Variants in GLI2 observed in about 807,000 individuals in gnomAD.
GLI2 encodes the protein GLI family zinc finger 2, also known as transcription activator GLI2.
In GLI2, 22 loss-of-function variants were observed where a neutral mutation model predicts 78.9. The observed-to-expected ratio is 0.28, with a 90% CI of 0.20 to 0.40. The LOEUF is 0.40. GLI2 is among the 10% of genes least tolerant of loss of function. The pLI, the probability that GLI2 is intolerant of heterozygous loss-of-function variation, is 1.00. For missense variants in GLI2, 2,097 were observed against 2,213.2 expected, an observed-to-expected ratio of 0.95 and a Z score of 1.05; for synonymous variants, 974 against 963.7, an observed-to-expected ratio of 1.01 and a Z score of -0.20.
intron 3 of GLI2, among the ~76,000 whole-genome samples, chr2:120,933,910 A>G (rs1292737965): frequency 6.6e-6 from 1 of 151,664 alleles, no homozygotes; most frequent in Non-Finnish European, 1.5e-5. Context: ...GAGAAGACCA[A>G]TTTCAGCTGC....
chr2:120,926,005 G>A (rs1014119996), intron 2 of GLI2, among the ~76,000 whole-genome samples: 35 of 147,432 alleles, frequency 2.4e-4, no homozygotes, highest in East Asian at 4.0e-4. Context: ...CCCAGGAGGC[G>A]GAGCTTGCAG....
chr2:120,777,260 TTA>T (rs754536327), intron 1 of GLI2, among the ~76,000 whole-genome samples: 13 of 151,728 alleles, frequency 8.6e-5, no homozygotes, highest in Non-Finnish European at 1.6e-4. Flanking sequence ...TCGAGTGTGT[TTA>T]TGTGTGAGTG....
At chr2:120,766,993 A>G (rs1683383382) in intron 1 of GLI2, among the ~76,000 whole-genome samples, 2 of 152,316 alleles carry the variant, frequency 1.3e-5, no homozygotes, top group Admixed American at 1.3e-4. Flanking sequence ...GAATGTGGAC[A>G]CCTGGCTTTT....
chr2:120,921,135 G>A (rs1226950928), intron 2 of GLI2, among the ~76,000 whole-genome samples: 3 of 152,170 alleles, frequency 2.0e-5, no homozygotes, highest in Non-Finnish European at 4.4e-5. Flanking sequence ...TTCCATCGGG[G>A]GCTGTGGGAC....
At chr2:120,862,398 G>A (rs1286695870) in intron 2 of GLI2, among the ~76,000 whole-genome samples, 2 of 152,338 alleles carry the variant, frequency 1.3e-5, no homozygotes, top group Middle Eastern at 3.4e-3. Flanking sequence ...GACACAGCAG[G>A]CCTTGCCGTC....
Position 120,970,438 on chromosome 2 carries a change from G to T in GLI2, c.891G>T (p.Gln297His). Residue 297 changes from glutamine (Q) to histidine (H), a missense_variant, in exon 7 of 14, where the codon CAG becomes CAT. Gln to His is a conservative substitution (Grantham distance 24). Coordinates refer to ENST00000361492, the MANE Select transcript of GLI2 (RefSeq NM_001374353.1). ...ACCCCATCAACCCCGTGGCCTACCA[G>T]CAGATTCTGAGCCAGCAGAGGGGTC... ...FPHPINPVAY[Q>H]QILSQQRGLG... 6.2e-7 allele frequency: 1 copy of T among 1,613,344 alleles called. No individual in the cohort carries two copies. Among genetic ancestry groups the T allele is most frequent in the South Asian group, 1.1e-5 (1 of 91,048 alleles).
intron 2 of GLI2, among the ~76,000 whole-genome samples, chr2:120,922,680 A>G (rs955727961): frequency 2.0e-5 from 3 of 152,178 alleles, no homozygotes; most frequent in Admixed American, 2.0e-4. Context: ...CCTAGTGGGC[A>G]CATTGCCACT....
chr2:120,852,921 C>T (rs148545832), intron 2 of GLI2, among the ~76,000 whole-genome samples: 13 of 152,250 alleles, frequency 8.5e-5, no homozygotes, highest in East Asian at 5.8e-4. Flanking sequence ...GGGAGACAGA[C>T]GCAGGAAGGG....
chr2:120,987,398 C>T (rs1244039457), intron 13 of GLI2, among the ~76,000 whole-genome samples: 1 of 152,202 alleles, frequency 6.6e-6, no homozygotes, highest in Non-Finnish European at 1.5e-5. Context: ...CCAAGGTCAC[C>T]CCTTCCCAGC....
chr2:120,903,852 T>C (rs1678384470), intron 2 of GLI2, among the ~76,000 whole-genome samples: 1 of 152,054 alleles, frequency 6.6e-6, no homozygotes, highest in African/African-American at 2.4e-5. Context: ...TCCCCAAGGA[T>C]CCAGAGGGAT....
chr2:120,975,245 T>G, intron 9 of GLI2, 136 bp downstream of exon 9: 1 of 755,052 alleles, frequency 1.3e-6, no homozygotes, highest in Non-Finnish European at 2.2e-6. Context: ...CCACATCCCC[T>G]GCAAGTGGGA....
At position 120,912,808 on chromosome 2, in the gene GLI2, G is replaced by A. The variant is rs573246249; in HGVS notation, c.149-14553G>A. Among the ~76,000 whole-genome samples the A allele has an allele frequency of 4.6e-5, 7 of 152,242 alleles. No individual in the cohort carries two copies. In the East Asian group the frequency reaches 9.7e-4, roughly 21 times the overall value. On this transcript the variant is annotated intron_variant, in intron 2 of 13. Coordinates refer to ENST00000361492, the MANE Select transcript of GLI2 (RefSeq NM_001374353.1). Reference sequence around the variant, plus strand: ...GGAACACTCCAAGCTTATCAAGAACGCAGCGGGCAGCAATCCAGGGCAGAA... The same window carrying A: ...GGAACACTCCAAGCTTATCAAGAACACAGCGGGCAGCAATCCAGGGCAGAA...
At chr2:120,972,647 G>C (rs1205413645) in intron 8 of GLI2, 1 of 518,934 alleles carries the variant, frequency 1.9e-6, no homozygotes, top group Non-Finnish European at 3.8e-6. Context: ...TGCCTGACTG[G>C]GTTCCATGCC....
Position 120,955,419 on chromosome 2 carries a change from A to T in GLI2, c.632A>T (p.Asn211Ile). The T allele has an allele frequency of 6.3e-7, 1 of 1,598,756 alleles. No homozygotes were observed. Among genetic ancestry groups the T allele is most frequent in the Non-Finnish European group, 8.5e-7 (1 of 1,169,826 alleles). The change falls in exon 5 of 14, where the codon AAC (asparagine) becomes ATC (isoleucine). Residue 211 changes from asparagine (N) to isoleucine (I), a missense_variant. Asn to Ile is a moderately radical substitution (Grantham distance 149). Coordinates refer to ENST00000361492, the MANE Select transcript of GLI2 (RefSeq NM_001374353.1). ...GCACCCCATCTCCACGACTACCTCA[A>T]CCCCGTGGACGGTGAGTGCTGGCCC... Reference protein sequence around the residue: ...ASAPHLHDYLNPVDVSRFSSP... With the variant: ...ASAPHLHDYLIPVDVSRFSSP...
At chr2:120,935,079 T>C (rs1471159184) in intron 3 of GLI2, among the ~76,000 whole-genome samples, 1 of 152,198 alleles carries the variant, frequency 6.6e-6, no homozygotes, top group African/African-American at 2.4e-5. Context: ...ATTGGCTTTG[T>C]TTGTTTTTTG....
At chr2:120,945,018 G>T (rs1299674510) in intron 3 of GLI2, among the ~76,000 whole-genome samples, 2 of 152,160 alleles carry the variant, frequency 1.3e-5, no homozygotes, top group Non-Finnish European at 2.9e-5. Flanking sequence ...TGACCCTTGG[G>T]CCTGGTCCTG....
intron 2 of GLI2, among the ~76,000 whole-genome samples, chr2:120,818,494 C>G (rs2871626): frequency 0.28 from 42,826 of 152,194 alleles, 6,513 homozygotes; most frequent in East Asian, 0.38. Context: ...CAAGGCCGAG[C>G]TGGGCCAGGC....
intron 2 of GLI2, among the ~76,000 whole-genome samples, chr2:120,917,910 C>T (rs1276313801): frequency 6.6e-6 from 1 of 152,242 alleles, no homozygotes; most frequent in Non-Finnish European, 1.5e-5. Context: ...TGGTGGGAAC[C>T]ACCAGAGCTT....
intron 2 of GLI2, among the ~76,000 whole-genome samples, chr2:120,835,804 G>A (rs1009156565): frequency 9.2e-5 from 14 of 152,094 alleles, no homozygotes; most frequent in African/African-American, 2.9e-4. Flanking sequence ...GTTTGTGTGT[G>A]TGTATGTGTG....
Sources: allele counts gnomAD v4.1 joint callset (sites outside exome capture counted in the v4.1 genomes callset), GRCh38; gene constraint gnomAD v4.1.1; transcripts MANE v1.5; gene names NCBI Gene and HGNC (gene_info 2026-07-23, HGNC 2026-07-21).